Variants in ANKHD1 observed in about 807,000 individuals in gnomAD.
ANKHD1 encodes the protein ankyrin repeat and KH domain containing 1.
Under a neutral mutation model 230.5 loss-of-function variants are expected in ANKHD1, and 31 were observed. The ratio of observed to expected loss-of-function variants is 0.13; its 90% CI spans 0.10 to 0.18. The LOEUF is 0.18. Ranked by LOEUF, ANKHD1 falls within the 10% of genes least tolerant of loss-of-function variation. ANKHD1 has a pLI of 1.00. For synonymous variants in ANKHD1, 1,074 were observed against 1,117.6 expected (o/e 0.96, Z 0.78); for missense variants, 2,256 against 3,071.3 (o/e 0.73, Z 6.27).
intron 23 of ANKHD1, 115 bp downstream of exon 23, chr5:140,513,038 T>A: frequency 9.7e-7 from 1 of 1,028,252 alleles, no homozygotes; most frequent in South Asian, 1.7e-5. Flanking sequence ...CCTGATCTCT[T>A]TATGCGTTTG....
intron 1 of ANKHD1, among the ~76,000 whole-genome samples, chr5:140,402,964 CTTT>C (rs56939861): frequency 9.5e-4 from 70 of 73,934 alleles, no homozygotes; most frequent in African/African-American, 3.2e-3. Context: ...GAAACCTCTT[CTTT>C]TTTTTTTTTT....
intron 1 of ANKHD1, among the ~76,000 whole-genome samples, chr5:140,415,905 T>TA (rs1771336590): frequency 6.6e-6 from 1 of 152,058 alleles, no homozygotes; most frequent in Non-Finnish European, 1.5e-5. Context: ...GTCATGTACA[T>TA]TAGGTATATT....
chr5:140,402,964 CTTTTTTT>C (rs56939861), intron 1 of ANKHD1, among the ~76,000 whole-genome samples: 28 of 73,936 alleles, frequency 3.8e-4, no homozygotes, highest in South Asian at 1.4e-3. Flanking sequence ...GAAACCTCTT[CTTTTTTT>C]TTTTTTTTTT....
chr5:140,456,109 A>G (rs1775164655), intron 7 of ANKHD1, among the ~76,000 whole-genome samples: 1 of 152,202 alleles, frequency 6.6e-6, no homozygotes, highest in Non-Finnish European at 1.5e-5. Context: ...TCCCATTCAC[A>G]ATTGCTTCAA....
intron 10 of ANKHD1, among the ~76,000 whole-genome samples, chr5:140,467,216 A>G (rs906758421): frequency 2.0e-5 from 3 of 152,072 alleles, no homozygotes; most frequent in Non-Finnish European, 4.4e-5. Flanking sequence ...TTAATTATGG[A>G]ACTTTTGCTT....
At chr5:140,500,665 A>AAAAAAAAAAAAAAAAAG (rs748025095) in intron 15 of ANKHD1, among the ~76,000 whole-genome samples, 36 of 115,488 alleles carry the variant, frequency 3.1e-4, no homozygotes, top group Non-Finnish European at 4.0e-4. Flanking sequence ...AAAAAAAAAA[A>AAAAAAAAAAAAAAAAAG]AAAAGAAAAG....
chr5:140,436,697 G>A (rs1211123456), intron 2 of ANKHD1, among the ~76,000 whole-genome samples: 1 of 148,822 alleles, frequency 6.7e-6, no homozygotes, highest in Non-Finnish European at 1.5e-5. Context: ...AGTGAGCCGA[G>A]ATCATGCCAT....
Position 140,438,403 on chromosome 5 carries a change from C to T in ANKHD1, c.461-58C>T, listed in dbSNP as rs893928001. 37 of 1,459,704 alleles carry T rather than the reference C, an allele frequency of 2.5e-5. No homozygotes were observed. The Middle Eastern group carries it at 7.3e-4, about 29-fold the overall frequency. 90.4% of individuals were successfully genotyped at this position (1,459,704 alleles called of 1,614,324 possible). Reference sequence around the variant, plus strand: ...TTTAGAAATATAATTACAATTTGCACTTTTATACTTTTTTTTTTGTTGTTC... The same window carrying T: ...TTTAGAAATATAATTACAATTTGCATTTTTATACTTTTTTTTTTGTTGTTC... On this transcript the variant is annotated intron_variant, in intron 2 of 33. Coordinates refer to ENST00000360839, the MANE Select transcript of ANKHD1 (RefSeq NM_017747.3).
chr5:140,418,852 T>G (rs1771624522), intron 1 of ANKHD1, among the ~76,000 whole-genome samples: 2 of 152,174 alleles, frequency 1.3e-5, no homozygotes, highest in Admixed American at 1.3e-4. Flanking sequence ...TGCCTCAGCC[T>G]CGCGAGTAGC....
At chr5:140,411,041 G>A (rs900123160) in intron 1 of ANKHD1, among the ~76,000 whole-genome samples, 5 of 152,166 alleles carry the variant, frequency 3.3e-5, no homozygotes, top group African/African-American at 4.8e-5. Flanking sequence ...GTTACCAAAT[G>A]CTGTTTTTTA....
chr5:140,479,126 G>A (rs1279864236), intron 10 of ANKHD1, among the ~76,000 whole-genome samples: 10 of 151,864 alleles, frequency 6.6e-5, no homozygotes, highest in African/African-American at 2.4e-4. Flanking sequence ...AGCCTCCTGA[G>A]TAATGGGACT....
Position 140,522,774 on chromosome 5 carries a change from T to A in ANKHD1, c.4318-1292T>A, listed in dbSNP as rs534050691. On this transcript the variant is annotated intron_variant, in intron 24 of 33. Coordinates refer to ENST00000360839, the MANE Select transcript of ANKHD1 (RefSeq NM_017747.3). ...ATTGTTTTCCAAAGTGGCTGTACCA[T>A]TTTACATTCCTACCTGCAGTGTATG... Among the ~76,000 whole-genome samples, 6 of 152,292 alleles carry A rather than the reference T, an allele frequency of 3.9e-5. No individual in the cohort carries two copies. In the South Asian group the frequency reaches 1.2e-3, roughly 32 times the overall value.
Position 140,482,967 on chromosome 5 carries a change from A to G in ANKHD1, c.1870+300A>G, listed in dbSNP as rs145996407. 1.4e-4 allele frequency among the ~76,000 whole-genome samples: 21 copies of G among 152,266 alleles called. No individual in the cohort carries two copies. In the East Asian group the frequency reaches 4.1e-3, roughly 29 times the overall value. On this transcript the variant is annotated intron_variant, in intron 11 of 33. Coordinates refer to ENST00000360839, the MANE Select transcript of ANKHD1 (RefSeq NM_017747.3). ...GGTGGATATGCAACAGCTAATGATG[A>G]GTCTATTCTGCTGGAGATGTGGGTG...
At chr5:140,472,540 A>G (rs1022589765) in intron 10 of ANKHD1, 1 of 1,031,118 alleles carries the variant, frequency 9.7e-7, no homozygotes, top group African/African-American at 1.7e-5. Flanking sequence ...GTGAAAATAG[A>G]TTTTCTTATT....
chr5:140,518,821 C>G (rs1753175840), intron 24 of ANKHD1, among the ~76,000 whole-genome samples: 1 of 152,260 alleles, frequency 6.6e-6, no homozygotes. Flanking sequence ...AACCCCACAG[C>G]CAATATCATA....
chr5:140,519,415 T>C (rs1254490017), intron 24 of ANKHD1, among the ~76,000 whole-genome samples: 1 of 152,128 alleles, frequency 6.6e-6, no homozygotes, highest in African/African-American at 2.4e-5. Flanking sequence ...CTTCACAGAA[T>C]TGGAATAACT....
At chr5:140,437,316 T>C (rs1016706522) in intron 2 of ANKHD1, among the ~76,000 whole-genome samples, 1 of 152,252 alleles carries the variant, frequency 6.6e-6, no homozygotes, top group Non-Finnish European at 1.5e-5. Flanking sequence ...TATAGCCTTA[T>C]ATATCTGTAA....
chr5:140,489,806 T>A (rs918664868), intron 14 of ANKHD1, among the ~76,000 whole-genome samples: 10 of 152,318 alleles, frequency 6.6e-5, no homozygotes, highest in African/African-American at 2.2e-4. Context: ...TGTATTTAGA[T>A]CACTTGGGCA....
At chr5:140,411,928 C>T (rs1003087709) in intron 1 of ANKHD1, among the ~76,000 whole-genome samples, 9 of 151,678 alleles carry the variant, frequency 5.9e-5, no homozygotes, top group South Asian at 2.1e-4. Context: ...GGCGCAATCA[C>T]GGCTCAGGCA....
Sources: gnomAD v4.1 joint callset for allele counts (sites outside exome capture counted in the v4.1 genomes callset) on GRCh38, gnomAD v4.1.1 for gene constraint, MANE v1.5 for transcripts, NCBI Gene and HGNC (gene_info 2026-07-23, HGNC 2026-07-21) for gene names.